Variants in CCSER2 observed in about 807,000 individuals in gnomAD.
CCSER2 encodes the protein serine-rich coiled-coil domain-containing protein 2.
A neutral mutation model predicts 92.3 loss-of-function variants in CCSER2; 46 were observed. That is an observed-to-expected ratio of 0.50 (90% confidence interval 0.39 to 0.64). The LOEUF (loss-of-function observed/expected upper bound fraction) is 0.64. Among genes scored for constraint, CCSER2 ranks in the 30% least tolerant of loss-of-function variants. The pLI, the probability that CCSER2 is intolerant of heterozygous loss-of-function variation, is 0.00. For synonymous variants in CCSER2, 433 were observed against 431.4 expected (o/e 1.00, Z -0.04); for missense variants, 1,244 against 1,238.9 (o/e 1.00, Z -0.06).
chr10:84,514,474 T>G lies in CCSER2; in HGVS notation c.*207T>G, dbSNP rs1457844914. ...GCCATTTGAGCATAATTATCTCAGG[T>G]AAACACGAAAGTTTGCTTACCCATT... On this transcript the variant is annotated 3_prime_UTR_variant, in exon 10 of 10. Transcript: ENST00000372088. 1.8e-6 allele frequency: 1 copy of G among 546,746 alleles called. No homozygotes were observed. The highest frequency in any genetic ancestry group is 3.6e-5 in the Admixed American group (1 of 27,874). The allele number at this position is 546,746 out of a possible 1,614,324, so 33.9% of individuals were successfully genotyped here.
Position 84,378,724 on chromosome 10 carries a change from C to T in CCSER2, c.1614+4909C>T, listed in dbSNP as rs146406733. ...TAGTGGGATTACAGGCATGTGCCAC[C>T]GCGCCCGGCCTAAAAATTAATTTTT... On this transcript the variant is annotated intron_variant, in intron 3 of 9. Coordinates refer to ENST00000372088, the MANE Select transcript of CCSER2 (RefSeq NM_001284240.2). 3.5e-3 allele frequency among the ~76,000 whole-genome samples: 532 copies of T among 152,218 alleles called. 5 individuals carry two copies. Among genetic ancestry groups the T allele is most frequent in the African/African-American group, 0.012 (493 of 41,572 alleles).
At chr10:84,476,413 T>A (rs948591664) in intron 8 of CCSER2, among the ~76,000 whole-genome samples, 12 of 150,390 alleles carry the variant, frequency 8.0e-5, no homozygotes, top group Non-Finnish European at 1.5e-4. Context: ...TTCTAGCTTG[T>A]CACTAAGGGT....
chr10:84,448,261 G>A (rs1164921411), intron 6 of CCSER2, among the ~76,000 whole-genome samples: 1 of 152,130 alleles, frequency 6.6e-6, no homozygotes, highest in Non-Finnish European at 1.5e-5. Context: ...CCTGTGTGTG[G>A]ATATTCACCT....
At chr10:84,411,172 T>G (rs1001275381) in intron 3 of CCSER2, among the ~76,000 whole-genome samples, 1 of 152,156 alleles carries the variant, frequency 6.6e-6, no homozygotes, top group Non-Finnish European at 1.5e-5. Flanking sequence ...TGTAGCCTTG[T>G]CTGTAAAGTG....
At chr10:84,499,519 C>CT (rs1332940901) in intron 9 of CCSER2, among the ~76,000 whole-genome samples, 1 of 152,100 alleles carries the variant, frequency 6.6e-6, no homozygotes, top group African/African-American at 2.4e-5. Context: ...CACCTAAAGT[C>CT]TATCTCCCCC....
intron 3 of CCSER2, among the ~76,000 whole-genome samples, chr10:84,388,379 T>C (rs1175256999): frequency 2.0e-5 from 3 of 152,198 alleles, no homozygotes; most frequent in Non-Finnish European, 4.4e-5. Flanking sequence ...ATACATAGCC[T>C]TTTTTATCTT....
chr10:84,489,261 G>T (rs1847998413), intron 9 of CCSER2, among the ~76,000 whole-genome samples: 1 of 152,130 alleles, frequency 6.6e-6, no homozygotes, highest in African/African-American at 2.4e-5. Context: ...GGTCCGCTTG[G>T]TGCAGAGCTG....
At chr10:84,449,277 A>C (rs189737531) in intron 6 of CCSER2, among the ~76,000 whole-genome samples, 53 of 152,274 alleles carry the variant, frequency 3.5e-4, no homozygotes, top group Non-Finnish European at 3.7e-4. Context: ...TGGGAGGCTG[A>C]GGCGGGAGGA....
At position 84,396,428 on chromosome 10, in the gene CCSER2, T is replaced by C. The variant is rs78693710; in HGVS notation, c.1615-21343T>C. ...TAACCTTACAGAATACAATAAGTAC[T>C]GTTTTCCAAGTTTACTTACGTTAGT... On this transcript the variant is annotated intron_variant, in intron 3 of 9. Coordinates refer to ENST00000372088, the MANE Select transcript of CCSER2 (RefSeq NM_001284240.2). Among the ~76,000 whole-genome samples, 386 of 152,040 alleles carry C rather than the reference T, an allele frequency of 2.5e-3. 2 individuals carry two copies. Among genetic ancestry groups the C allele is most frequent in the African/African-American group, 8.5e-3 (352 of 41,526 alleles).
intron 6 of CCSER2, chr10:84,455,795 A>G (rs974983314): frequency 2.7e-6 from 3 of 1,096,300 alleles, no homozygotes; most frequent in African/African-American, 1.5e-5. Flanking sequence ...GTAGATTTTC[A>G]CAGACTTATC....
rs915738266 is a variant in CCSER2, at chr10:84,517,434, A to G, written c.*3167A>G. 1 of 152,646 alleles carries G rather than the reference A, an allele frequency of 6.6e-6. No individual in the cohort carries two copies. The highest frequency in any genetic ancestry group is 2.4e-5 in the African/African-American group (1 of 41,450). 9.5% of individuals were successfully genotyped at this position (152,646 alleles called of 1,614,324 possible). On this transcript the variant is annotated 3_prime_UTR_variant, in exon 10 of 10. Coordinates refer to ENST00000372088, the MANE Select transcript of CCSER2 (RefSeq NM_001284240.2). ...TTATTTGTGCAATATTTTCAGGCATATAGGCTACTGTTCATTGTATTTATA... is the reference window on the plus strand; with the variant it reads ...TTATTTGTGCAATATTTTCAGGCATGTAGGCTACTGTTCATTGTATTTATA...
At chr10:84,494,055 G>A (rs1848312844) in intron 9 of CCSER2, among the ~76,000 whole-genome samples, 1 of 152,182 alleles carries the variant, frequency 6.6e-6, no homozygotes, top group African/African-American at 2.4e-5. Flanking sequence ...TCTTACTGGA[G>A]GCAGAGTTCA....
intron 3 of CCSER2, among the ~76,000 whole-genome samples, chr10:84,381,403 G>T (rs1323191344): frequency 2.0e-5 from 3 of 152,136 alleles, no homozygotes; most frequent in Non-Finnish European, 2.9e-5. Flanking sequence ...TAGATAACCC[G>T]CTTGAAAGGT....
intron 9 of CCSER2, among the ~76,000 whole-genome samples, chr10:84,501,263 A>G (rs1848703750): frequency 6.6e-6 from 1 of 152,192 alleles, no homozygotes; most frequent in Non-Finnish European, 1.5e-5. Context: ...ATGCTAGTCA[A>G]GTCATCTGAA....
At chr10:84,438,764 C>CT in intron 6 of CCSER2, 57 bp downstream of exon 6, 1 of 1,131,694 alleles carries the variant, frequency 8.8e-7, no homozygotes, top group Non-Finnish European at 1.2e-6. Flanking sequence ...AATGGATTGA[C>CT]TTTAGTTTTT....
rs1169436055 is a variant in CCSER2, at chr10:84,457,644, TATATAATTATA to T, written c.2065-6288_2065-6278del. The stretch of plus-strand genomic sequence containing the variant: ...TATATTTATATATTATATATAATTA[TATATAATTATA>T]TTATTTTTAATTTTAGTTATTATAT... On this transcript the variant is annotated intron_variant, in intron 6 of 9. Transcript: ENST00000372088. Among the ~76,000 whole-genome samples, 16 of 110,906 alleles carry T rather than the reference TATATAATTATA, an allele frequency of 1.4e-4. No individual in the cohort carries two copies. In the East Asian group the frequency reaches 3.6e-3, roughly 25 times the overall value. 72.8% of individuals were successfully genotyped at this position (110,906 alleles called of 152,430 possible).
rs1433226136 is a variant in CCSER2, at chr10:84,506,838, A to G, written c.2326-6611A>G. Among the ~76,000 whole-genome samples the G allele has an allele frequency of 2.6e-5, 4 of 152,036 alleles. No homozygotes were observed. In the East Asian group the frequency reaches 5.8e-4, roughly 22 times the overall value. On this transcript the variant is annotated intron_variant, in intron 9 of 9. Coordinates refer to ENST00000372088, the MANE Select transcript of CCSER2 (RefSeq NM_001284240.2). ...AAATAAATAAATAAATCTAACACTT[A>G]TTTAATCTTATAATATGCAGAAGCC...
At chr10:84,437,478 C>T (rs796527981) in intron 5 of CCSER2, among the ~76,000 whole-genome samples, 6 of 151,630 alleles carry the variant, frequency 4.0e-5, no homozygotes, top group African/African-American at 1.5e-4. Context: ...CGTACCATTG[C>T]GCTCCAGCCT....
intron 9 of CCSER2, among the ~76,000 whole-genome samples, chr10:84,510,770 G>C (rs1040081478): frequency 1.3e-5 from 2 of 152,194 alleles, no homozygotes; most frequent in Non-Finnish European, 2.9e-5. Context: ...GAGGTAGCTT[G>C]TTGTTCAACT....
Sources: allele counts gnomAD v4.1 joint callset (sites outside exome capture counted in the v4.1 genomes callset), GRCh38; gene constraint gnomAD v4.1.1; transcripts MANE v1.5; gene names NCBI Gene and HGNC (gene_info 2026-07-23, HGNC 2026-07-21).